The following DIS3L2 variants were observed in gnomAD, a reference collection of about 807,000 sequenced individuals.
DIS3L2 encodes the protein DIS3-like exonuclease 2.
A neutral mutation model predicts 97.5 loss-of-function variants in DIS3L2; 34 were observed. That is an observed-to-expected ratio of 0.35 (90% confidence interval 0.27 to 0.46). DIS3L2 has a LOEUF of 0.46. DIS3L2 is among the 20% of genes least tolerant of loss of function. DIS3L2 has a pLI of 1.00. For missense variants in DIS3L2, 1,038 were observed against 1,146.0 expected, an observed-to-expected ratio of 0.91 and a Z score of 1.36; for synonymous variants, 435 against 445.2, an observed-to-expected ratio of 0.98 and a Z score of 0.29.
At chr2:232,155,837 A>G (rs1340129000) in intron 8 of DIS3L2, among the ~76,000 whole-genome samples, 1 of 152,118 alleles carries the variant, frequency 6.6e-6, no homozygotes, top group East Asian at 1.9e-4. Flanking sequence ...AAAAATACAA[A>G]AAATTAGCCA....
chr2:232,067,039 A>G (rs1695872497), intron 5 of DIS3L2, among the ~76,000 whole-genome samples: 2 of 151,592 alleles, frequency 1.3e-5, no homozygotes, highest in Middle Eastern at 3.2e-3. Context: ...TTTTTTCTTT[A>G]TCATTCTAGT....
chr2:232,332,089 G>A (rs1695753574), intron 16 of DIS3L2, among the ~76,000 whole-genome samples: 2 of 152,066 alleles, frequency 1.3e-5, no homozygotes, highest in African/African-American at 4.8e-5. Context: ...GGCTGGGCCT[G>A]TGGGAAAGCC....
intron 11 of DIS3L2, among the ~76,000 whole-genome samples, chr2:232,248,358 A>C (rs1693321145): frequency 6.6e-6 from 1 of 152,190 alleles, no homozygotes; most frequent in African/African-American, 2.4e-5. Flanking sequence ...TGATGTTTTT[A>C]GTTAGAGAGG....
chr2:232,200,780 GTTT>G (rs1183177130), intron 9 of DIS3L2, among the ~76,000 whole-genome samples: 1 of 124,766 alleles, frequency 8.0e-6, no homozygotes. Context: ...TGACCAAAAG[GTTT>G]TTTTTTTTTT....
At chr2:231,989,505 A>G (rs1693523849) in intron 1 of DIS3L2, among the ~76,000 whole-genome samples, 2 of 152,128 alleles carry the variant, frequency 1.3e-5, no homozygotes, top group South Asian at 2.1e-4. Flanking sequence ...AATTTCCAAA[A>G]TAAAGAGTAA....
intron 1 of DIS3L2, among the ~76,000 whole-genome samples, chr2:231,981,821 T>C (rs1034259470): frequency 2.7e-5 from 4 of 150,828 alleles, no homozygotes; most frequent in African/African-American, 9.7e-5. Context: ...ATTGCTTGAG[T>C]CCAGGAGTTC....
At chr2:232,214,902 C>A (rs1314990896) in intron 10 of DIS3L2, among the ~76,000 whole-genome samples, 1 of 152,200 alleles carries the variant, frequency 6.6e-6, no homozygotes, top group Admixed American at 6.5e-5. Flanking sequence ...AAGTTGTATT[C>A]TCTAACATGT....
chr2:232,190,366 T>TA, intron 9 of DIS3L2, among the ~76,000 whole-genome samples: 1 of 152,180 alleles, frequency 6.6e-6, no homozygotes, highest in Non-Finnish European at 1.5e-5. Context: ...TTAACATGGT[T>TA]ACCTCATGCT....
At chr2:232,002,010 A>G (rs72985699) in intron 1 of DIS3L2, among the ~76,000 whole-genome samples, 2,842 of 151,506 alleles carry the variant, frequency 0.019, 32 homozygotes, top group Non-Finnish European at 0.021. Context: ...CTGAGACACC[A>G]CTCCTGGCCT....
chr2:231,967,273 G>A (rs948728843), intron 1 of DIS3L2, among the ~76,000 whole-genome samples: 1 of 152,180 alleles, frequency 6.6e-6, no homozygotes, highest in Non-Finnish European at 1.5e-5. Flanking sequence ...AATGCTAATT[G>A]AAGAATTCTG....
chr2:232,211,220 C>T (rs1364332978), intron 10 of DIS3L2, among the ~76,000 whole-genome samples: 1 of 150,694 alleles, frequency 6.6e-6, no homozygotes, highest in African/African-American at 2.4e-5. Context: ...TCATAGCTCA[C>T]TGCAGCCTCA....
intron 13 of DIS3L2, among the ~76,000 whole-genome samples, chr2:232,279,819 A>G (rs115638754): frequency 0.15 from 23,475 of 152,118 alleles, 2,664 homozygotes; most frequent in African/African-American, 0.32. Context: ...ATGAACTACC[A>G]CGCCTGGCCT....
In DIS3L2 at chr2:232,136,589, C is replaced by A. The variant is rs781163337; in HGVS notation, c.820C>A (p.Arg274=). The part of the protein sequence containing the change: ...KYALFSPSDH[R]VPRIYVPLKD... Reference sequence around the variant, plus strand: ...CGCCCTGTTTTCTCCCTCAGACCACCGAGTGCCTAGAATTTATGTGCCTCT... The same window carrying A: ...CGCCCTGTTTTCTCCCTCAGACCACAGAGTGCCTAGAATTTATGTGCCTCT... Residue 274 remains arginine, a synonymous_variant, in exon 8 of 21, where the codon CGA becomes AGA. Transcript: ENST00000325385. 6.2e-7 allele frequency: 1 copy of A among 1,613,998 alleles called. No individual in the cohort carries two copies.
chr2:232,162,453 T>A (rs958765749), intron 8 of DIS3L2, among the ~76,000 whole-genome samples: 2 of 152,208 alleles, frequency 1.3e-5, no homozygotes, highest in African/African-American at 2.4e-5. Context: ...GGCAACCACC[T>A]CCCCTATTCC....
At chr2:232,262,225 C>T (rs1693727110) in intron 12 of DIS3L2, among the ~76,000 whole-genome samples, 1 of 152,300 alleles carries the variant, frequency 6.6e-6, no homozygotes, top group South Asian at 2.1e-4. Context: ...GACCCTTCCA[C>T]CTCCAAACGG....
rs1307749619 is a variant in DIS3L2 at position 232,293,202 on chromosome 2, C to G, written c.1660-6838C>G. On this transcript the variant is annotated intron_variant, in intron 13 of 20. Transcript: ENST00000325385. The surrounding 1 kb of genome is among the most constrained non-coding windows in gnomAD (Gnocchi z 4.6). The stretch of plus-strand genomic sequence containing the variant: ...CCTCTTGAGGGTGCTGACAAGATGG[C>G]AACACCTGAACACTGAGAGTGTCTG... Among the ~76,000 whole-genome samples the G allele has an allele frequency of 6.6e-6, 1 of 152,066 alleles. No homozygotes were observed. Among genetic ancestry groups the G allele is most frequent in the Non-Finnish European group, 1.5e-5 (1 of 68,022 alleles).
chr2:232,275,203 A>T (rs1186172102), intron 13 of DIS3L2, among the ~76,000 whole-genome samples: 1 of 152,098 alleles, frequency 6.6e-6, no homozygotes, highest in Non-Finnish European at 1.5e-5. Context: ...TCTCTCCCCT[A>T]GGTGCCTGGT....
At chr2:232,048,606 C>G (rs1404394524) in intron 5 of DIS3L2, among the ~76,000 whole-genome samples, 2 of 152,012 alleles carry the variant, frequency 1.3e-5, no homozygotes, top group South Asian at 2.1e-4. Flanking sequence ...GCGGGGTGCG[C>G]CTGTAGTCCC....
intron 9 of DIS3L2, among the ~76,000 whole-genome samples, chr2:232,203,334 A>T (rs1385225139): frequency 6.6e-6 from 1 of 152,212 alleles, no homozygotes; most frequent in Non-Finnish European, 1.5e-5. Context: ...GCTAATCTGG[A>T]AGTGGTCCCT....
Sources: gnomAD v4.1 joint callset for allele counts (sites outside exome capture counted in the v4.1 genomes callset) on GRCh38, gnomAD v4.1.1 for gene constraint, Gnocchi (gnomAD v3.1) non-coding constraint, MANE v1.5 for transcripts, NCBI Gene and HGNC (gene_info 2026-07-23, HGNC 2026-07-21) for gene names.